COLEC10: variants seen among roughly 807,000 people sequenced by gnomAD.
COLEC10 encodes collectin-10.
In COLEC10, 22 loss-of-function variants were observed where a neutral mutation model predicts 28.4. The ratio of observed to expected loss-of-function variants is 0.78; its 90% CI spans 0.55 to 1.11. COLEC10 has a LOEUF of 1.11. Ranked by LOEUF, COLEC10 falls within the 50% of genes least tolerant of loss-of-function variation. The pLI is 0.00. For missense variants in COLEC10, 361 were observed against 344.1 expected, an observed-to-expected ratio of 1.05 and a Z score of -0.39; for synonymous variants, 125 against 116.1, an observed-to-expected ratio of 1.08 and a Z score of -0.49.
At chr8:119,039,038 G>C (rs1436465187) in intron 2 of COLEC10, among the ~76,000 whole-genome samples, 1 of 151,972 alleles carries the variant, frequency 6.6e-6, no homozygotes, top group Non-Finnish European at 1.5e-5. Flanking sequence ...GTTTCTACAA[G>C]ATCAGGGCTC....
intron 2 of COLEC10, among the ~76,000 whole-genome samples, chr8:119,018,624 T>G (rs956741766): frequency 6.6e-6 from 1 of 152,260 alleles, no homozygotes; most frequent in Non-Finnish European, 1.5e-5. Context: ...ATATGTCTTG[T>G]GACTTGATTT....
chr8:118,986,082 G>C, the COLEC10 span, among the ~76,000 whole-genome samples: 1 of 152,132 alleles, frequency 6.6e-6, no homozygotes, highest in South Asian at 2.1e-4. Flanking sequence ...ATCACCAAAA[G>C]TTGGGGAAAT....
chr8:119,005,949 A>C (rs906842021), intron 1 of COLEC10, among the ~76,000 whole-genome samples: 7 of 152,106 alleles, frequency 4.6e-5, no homozygotes, highest in African/African-American at 1.7e-4. Flanking sequence ...GTCCACTAGG[A>C]GGATTTTCCC....
chr8:119,094,396 T>A (rs1207926600), intron 3 of COLEC10, among the ~76,000 whole-genome samples: 1 of 152,160 alleles, frequency 6.6e-6, no homozygotes, highest in East Asian at 1.9e-4. Flanking sequence ...CTACTACTAA[T>A]AAAGACAAAA....
chr8:119,049,756 C>T (rs1028703697), intron 2 of COLEC10, among the ~76,000 whole-genome samples: 12 of 152,090 alleles, frequency 7.9e-5, no homozygotes, highest in African/African-American at 2.9e-4. Context: ...ATTATTGGTT[C>T]TGAAAGAGGA....
chr8:119,073,997 C>CAT (rs1270173182), intron 1 of COLEC10, among the ~76,000 whole-genome samples: 6 of 151,338 alleles, frequency 4.0e-5, no homozygotes, highest in South Asian at 4.2e-4. Flanking sequence ...TATATACACA[C>CAT]ATATATATAC....
chr8:119,042,630 T>C (rs148853220), intron 2 of COLEC10, among the ~76,000 whole-genome samples: 2 of 152,242 alleles, frequency 1.3e-5, no homozygotes, highest in African/African-American at 4.8e-5. Flanking sequence ...ACACAGTAAA[T>C]GGATGTGCCA....
intron 2 of COLEC10, among the ~76,000 whole-genome samples, chr8:119,090,594 T>C (rs188597467): frequency 1.3e-5 from 2 of 152,354 alleles, no homozygotes; most frequent in East Asian, 3.9e-4. Flanking sequence ...AAATATTTTT[T>C]AGACTTTTAT....
chr8:119,048,862 A>G (rs1814628928), intron 2 of COLEC10, among the ~76,000 whole-genome samples: 1 of 152,096 alleles, frequency 6.6e-6, no homozygotes, highest in African/African-American at 2.4e-5. Context: ...GATATGTGAG[A>G]TCTCAATCCT....
intron 2 of COLEC10, among the ~76,000 whole-genome samples, chr8:119,056,778 A>T (rs1389629570): frequency 6.6e-6 from 1 of 152,022 alleles, no homozygotes; most frequent in Admixed American, 6.6e-5. Flanking sequence ...TTTTAAAAAA[A>T]AATCTTCACG....
At chr8:119,096,702 G>T (rs1815725696) in intron 3 of COLEC10, among the ~76,000 whole-genome samples, 1 of 151,774 alleles carries the variant, frequency 6.6e-6, no homozygotes, top group East Asian at 1.9e-4. Context: ...TTCAATAAAG[G>T]GCTTACATGT....
intron 1 of COLEC10, among the ~76,000 whole-genome samples, chr8:119,074,457 T>C (rs992949217): frequency 6.6e-6 from 1 of 152,090 alleles, no homozygotes; most frequent in East Asian, 1.9e-4. Flanking sequence ...AAAAATACAA[T>C]GGAGATCATA....
chr8:119,069,154 G>A (rs1237298142), intron 1 of COLEC10, among the ~76,000 whole-genome samples: 1 of 151,948 alleles, frequency 6.6e-6, no homozygotes, highest in Non-Finnish European at 1.5e-5. Context: ...CTTGAGGCCG[G>A]CACCAATTTA....
At chr8:119,004,050 A>G (rs1372132843) in intron 1 of COLEC10, among the ~76,000 whole-genome samples, 1 of 152,088 alleles carries the variant, frequency 6.6e-6, no homozygotes, top group Non-Finnish European at 1.5e-5. Context: ...GCTTAACCTA[A>G]CTATAACCCA....
chr8:119,102,366 G>A lies in COLEC10; in HGVS notation c.311G>A (p.Gly104Asp), dbSNP rs199832637. ...IGKKGDKGEK[G>D]LLGIPGEKGK... ...TTTTCAGGTGACAAAGGGGAAAAAG[G>A]TTTGCTTGGAATACCTGGAGAAAAA... The change falls in exon 4 of 6, where the codon GGT (glycine) becomes GAT (aspartate). Residue 104 changes from glycine to aspartate, a missense_variant. Coordinates refer to ENST00000332843, the MANE Select transcript of COLEC10 (RefSeq NM_006438.5). 5.0e-6 allele frequency: 8 copies of A among 1,607,730 alleles called. No individual in the cohort carries two copies. The highest frequency in any genetic ancestry group is 1.1e-5 in the South Asian group (1 of 89,978).
intron 2 of COLEC10, among the ~76,000 whole-genome samples, chr8:119,013,563 T>C (rs978763977): frequency 6.6e-6 from 1 of 150,986 alleles, no homozygotes; most frequent in African/African-American, 2.5e-5. Flanking sequence ...TGTTCATTTC[T>C]GATAAGGTGG....
At chr8:119,038,183 G>T (rs1814424862) in intron 2 of COLEC10, among the ~76,000 whole-genome samples, 1 of 152,204 alleles carries the variant, frequency 6.6e-6, no homozygotes. Flanking sequence ...TTTGATATGA[G>T]ATCAACCTGG....
intron 2 of COLEC10, among the ~76,000 whole-genome samples, chr8:119,026,608 G>A (rs1009000611): frequency 1.3e-5 from 2 of 152,094 alleles, no homozygotes; most frequent in Non-Finnish European, 2.9e-5. Flanking sequence ...GCCATTTGGT[G>A]GCTCTTAAGG....
At chr8:119,064,261 A>G (rs564803516), upstream of COLEC10, among the ~76,000 whole-genome samples, 2 of 149,092 alleles carry the variant, frequency 1.3e-5, no homozygotes, top group African/African-American at 5.2e-5. Flanking sequence ...TATAGTACAC[A>G]TTATATAGGA....
Sources: allele counts gnomAD v4.1 joint callset (sites outside exome capture counted in the v4.1 genomes callset), GRCh38; gene constraint gnomAD v4.1.1; transcripts MANE v1.5; gene names NCBI Gene and HGNC (gene_info 2026-07-23, HGNC 2026-07-21).